Variants in RBFOX1 observed in about 807,000 individuals in gnomAD.
RBFOX1 encodes the protein RNA binding fox-1 homolog 1.
Under a neutral mutation model 57.7 loss-of-function variants are expected in RBFOX1, and 8 were observed. The observed-to-expected ratio is 0.14, with a 90% CI of 0.08 to 0.25. RBFOX1 has a LOEUF of 0.25. Among genes scored for constraint, RBFOX1 ranks in the 10% least tolerant of loss-of-function variants. The pLI is 1.00. For synonymous variants in RBFOX1, 326 were observed against 222.4 expected (o/e 1.47, Z -4.15); for missense variants, 611 against 548.5 (o/e 1.11, Z -1.14).
intron 4 of RBFOX1, among the ~76,000 whole-genome samples, chr16:5,967,561 C>T (rs1007426662): frequency 6.6e-6 from 1 of 152,086 alleles, no homozygotes; most frequent in East Asian, 1.9e-4. Flanking sequence ...GTAGATAAAG[C>T]AAGAAAAACA....
At chr16:5,271,152 C>T (rs1440365718) in intron 1 of RBFOX1, among the ~76,000 whole-genome samples, 3 of 151,996 alleles carry the variant, frequency 2.0e-5, no homozygotes, top group East Asian at 3.9e-4. Context: ...CATTGCACTC[C>T]AGCCTGGGCA....
In RBFOX1 at chr16:7,518,383, C is replaced by A. The variant is rs202136920; in HGVS notation, c.264C>A (p.Thr88=). Residue 88 remains threonine, a synonymous_variant, in exon 5 of 16, where the codon ACC becomes ACA. Coordinates refer to ENST00000550418, the MANE Select transcript of RBFOX1 (RefSeq NM_018723.4). ...ADTSAQTVSG[T]ATQTDDAAPT... is the part of the protein sequence containing the mutation. Reference sequence around the variant, plus strand: ...CGAGCGCTCAGACCGTCTCTGGCACCGCCACAGTAAGTGGACGTGTTTGCT... The same window carrying A: ...CGAGCGCTCAGACCGTCTCTGGCACAGCCACAGTAAGTGGACGTGTTTGCT... 1 of 1,608,974 alleles carries A rather than the reference C, an allele frequency of 6.2e-7. No homozygotes were observed. Among genetic ancestry groups the A allele is most frequent in the African/African-American group, 1.3e-5 (1 of 74,850 alleles).
chr16:5,470,972 C>G (rs147921523), intron 2 of RBFOX1, among the ~76,000 whole-genome samples: 5,813 of 152,266 alleles, frequency 0.038, 137 homozygotes, highest in Non-Finnish European at 0.059. Flanking sequence ...CTGCCTCAGC[C>G]TCCTAAGTAG....
chr16:6,731,348 G>T (rs973825892), intron 3 of RBFOX1, among the ~76,000 whole-genome samples: 3 of 152,110 alleles, frequency 2.0e-5, no homozygotes, highest in African/African-American at 7.2e-5. Flanking sequence ...ATTGTGGATC[G>T]TTGATGTCTA....
chr16:5,501,184 G>T (rs1310653771), intron 2 of RBFOX1, among the ~76,000 whole-genome samples: 2 of 151,746 alleles, frequency 1.3e-5, no homozygotes, highest in African/African-American at 4.8e-5. Context: ...TGGGTGTGGT[G>T]GTGGGTGCCT....
chr16:6,070,677 T>C (rs1432709891), intron 1 of RBFOX1, among the ~76,000 whole-genome samples: 1 of 151,954 alleles, frequency 6.6e-6, no homozygotes, highest in Non-Finnish European at 1.5e-5. Flanking sequence ...AAAAAAAAAA[T>C]TCCTGGAAAC....
At chr16:7,130,326 A>G (rs2151957945) in intron 4 of RBFOX1, among the ~76,000 whole-genome samples, 1 of 152,256 alleles carries the variant, frequency 6.6e-6, no homozygotes, top group Admixed American at 6.5e-5. Context: ...TGAAGCCACC[A>G]CGCCAGGCCT....
chr16:7,704,352 G>A (rs1237015520), intron 14 of RBFOX1, among the ~76,000 whole-genome samples: 1 of 152,070 alleles, frequency 6.6e-6, no homozygotes, highest in African/African-American at 2.4e-5. Context: ...ATGGCAACTT[G>A]GCCAGTGTTT....
intron 4 of RBFOX1, among the ~76,000 whole-genome samples, chr16:7,191,534 A>G (rs1174863430): frequency 1.3e-5 from 2 of 152,218 alleles, no homozygotes; most frequent in Non-Finnish European, 1.5e-5. Context: ...TAGAGTTGAC[A>G]TTTATAACCA....
chr16:6,366,968 A>C (rs762031512), intron 2 of RBFOX1, among the ~76,000 whole-genome samples: 7 of 152,238 alleles, frequency 4.6e-5, no homozygotes, highest in Non-Finnish European at 8.8e-5. Context: ...GAAAGTGCAC[A>C]TGACAATTTT....
intron 4 of RBFOX1, among the ~76,000 whole-genome samples, chr16:7,168,605 C>A (rs1048588982): frequency 2.0e-5 from 3 of 152,120 alleles, no homozygotes; most frequent in African/African-American, 7.2e-5. Context: ...TCTTGGTTTA[C>A]ATCTCAGTGG....
chr16:6,896,727 T>C (rs912320779), intron 3 of RBFOX1, among the ~76,000 whole-genome samples: 4 of 152,196 alleles, frequency 2.6e-5, no homozygotes, highest in Admixed American at 6.5e-5. Flanking sequence ...AATTATGCTC[T>C]ATGAATGCGA....
chr16:7,659,194 T>A (rs1213241844), intron 12 of RBFOX1, among the ~76,000 whole-genome samples: 1 of 152,190 alleles, frequency 6.6e-6, no homozygotes, highest in East Asian at 1.9e-4. Context: ...AGACTCTATA[T>A]TATTTGGGGT....
chr16:7,676,919 G>C lies in RBFOX1; in HGVS notation c.995+81G>C, dbSNP rs535255403. On this transcript the variant is annotated intron_variant, in intron 14 of 15. Coordinates refer to ENST00000550418, the MANE Select transcript of RBFOX1 (RefSeq NM_018723.4). ...GGAGAGGAGATTCTTGTATGGTCTTGGTGAAACTGCATGACTGCTGGGGGA... is the reference window on the plus strand; with the variant it reads ...GGAGAGGAGATTCTTGTATGGTCTTCGTGAAACTGCATGACTGCTGGGGGA... 37 of 1,390,412 alleles carry C rather than the reference G, an allele frequency of 2.7e-5. No homozygotes were observed. In the African/African-American group the frequency reaches 3.8e-4, roughly 14 times the overall value. The allele number at this position is 1,390,412 out of a possible 1,614,324, so 86.1% of individuals were successfully genotyped here.
intron 3 of RBFOX1, among the ~76,000 whole-genome samples, chr16:5,863,767 T>C (rs1231938056): frequency 6.6e-6 from 1 of 152,190 alleles, no homozygotes; most frequent in African/African-American, 2.4e-5. Flanking sequence ...GCCGTACCAC[T>C]CCCTGTTGCA....
At chr16:5,858,969 C>G (rs950764284) in intron 3 of RBFOX1, among the ~76,000 whole-genome samples, 1 of 152,206 alleles carries the variant, frequency 6.6e-6, no homozygotes, top group South Asian at 2.1e-4. Context: ...AATCCCAGCC[C>G]TTTGGGAAGT....
intron 5 of RBFOX1, among the ~76,000 whole-genome samples, chr16:7,561,506 C>G (rs560259730): frequency 1.3e-5 from 2 of 152,230 alleles, no homozygotes; most frequent in Non-Finnish European, 2.9e-5. Flanking sequence ...AATATCCTGA[C>G]TAGTGTCAAT....
At chr16:6,647,844 C>A (rs567535153) in intron 2 of RBFOX1, among the ~76,000 whole-genome samples, 1 of 152,196 alleles carries the variant, frequency 6.6e-6, no homozygotes, top group African/African-American at 2.4e-5. Flanking sequence ...AAGTGATCCC[C>A]TTCTCTTTGT....
At chr16:7,664,903 TTC>T (rs1368728690) in intron 12 of RBFOX1, 24 bp from the exon 13 acceptor site, 1 of 1,613,818 alleles carries the variant, frequency 6.2e-7, no homozygotes, top group African/African-American at 1.3e-5. Context: ...ATATGGATGT[TTC>T]TCTTTGTGTG....
Sources: gnomAD v4.1 joint callset for allele counts (sites outside exome capture counted in the v4.1 genomes callset) on GRCh38, gnomAD v4.1.1 for gene constraint, MANE v1.5 for transcripts, NCBI Gene and HGNC (gene_info 2026-07-23, HGNC 2026-07-21) for gene names.